The following SLAMF1 variants were observed in gnomAD, a reference collection of about 807,000 sequenced individuals.
SLAMF1 encodes signaling lymphocytic activation molecule.
Under a neutral mutation model 35.1 loss-of-function variants are expected in SLAMF1, and 18 were observed. The observed-to-expected ratio is 0.51, with a 90% CI of 0.35 to 0.76. The LOEUF is 0.76. SLAMF1 is among the 30% of genes least tolerant of loss of function. The pLI is 0.01. For missense variants in SLAMF1, 392 were observed against 413.0 expected (o/e 0.95, Z 0.44); for synonymous variants, 168 against 157.2 (o/e 1.07, Z -0.51).
chr1:160,612,410 TA>T (rs200238058), intron 6 of SLAMF1, 77 bp downstream of exon 6: 5,045 of 771,594 alleles, frequency 6.5e-3, no homozygotes, highest in Non-Finnish European at 7.1e-3. Flanking sequence ...CTTCCCACCT[TA>T]AAAAAAAAAA....
At position 160,624,148 on chromosome 1, in the gene SLAMF1, C is replaced by T; in HGVS notation, c.738G>A (p.Gly246=). Residue 246 remains glycine (G), a synonymous_variant, in exon 4 of 7, where the codon GGG becomes GGA. Coordinates refer to ENST00000302035, the MANE Select transcript of SLAMF1 (RefSeq NM_003037.5). ...KPWAVYAGLL[G]GVIMILIMVV... ...CCATGATGAGAATCATGATGACACC[C>T]CCTAACAGCCCAGCATACACTGCCC... 1 of 1,611,234 alleles carries T rather than the reference C, an allele frequency of 6.2e-7. No individual in the cohort carries two copies. Among genetic ancestry groups the T allele is most frequent in the Non-Finnish European group, 8.5e-7 (1 of 1,178,956 alleles).
rs1387333545 is a variant in SLAMF1, at chr1:160,646,936, T to C, written c.10A>G (p.Lys4Glu). 1 of 1,598,786 alleles carries C rather than the reference T, an allele frequency of 6.3e-7. No homozygotes were observed. Among genetic ancestry groups the C allele is most frequent in the Admixed American group, 1.7e-5 (1 of 59,658 alleles). The change falls in exon 1 of 7, where the codon AAG becomes GAG. Residue 4 changes from lysine to glutamate, a missense_variant. Lys to Glu is a moderately conservative substitution (Grantham distance 56). Coordinates refer to ENST00000302035, the MANE Select transcript of SLAMF1 (RefSeq NM_003037.5). Reference protein sequence around the residue: MDPKGLLSLTFVLF... With the variant: MDPEGLLSLTFVLF... ...ACGAAGGTCAAGGAGAGGAGCCCCT[T>C]GGGATCCATCAGCCAATGAGGAGAA...
Position 160,613,704 on chromosome 1 carries a change from A to C in SLAMF1, c.865-1124T>G, listed in dbSNP as rs144122943. 3.7e-3 allele frequency among the ~76,000 whole-genome samples: 571 copies of C among 152,366 alleles called. 2 individuals carry two copies. Among genetic ancestry groups the C allele is most frequent in the East Asian group, 0.019 (98 of 5,192 alleles). ...TTAAGGAATTAGGAAAGTTTATTGGAGGAAAAAGGGATGGGACATAATTTT... is the reference window on the plus strand; with the variant it reads ...TTAAGGAATTAGGAAAGTTTATTGGCGGAAAAAGGGATGGGACATAATTTT... On this transcript the variant is annotated intron_variant, in intron 5 of 6. Transcript: ENST00000302035.
chr1:160,637,759 G>A (rs577686930), intron 1 of SLAMF1, among the ~76,000 whole-genome samples: 1 of 152,276 alleles, frequency 6.6e-6, no homozygotes, highest in African/African-American at 2.4e-5. Context: ...GAGTTGTATA[G>A]ATTAACTAGA....
At chr1:160,646,745 G>A (rs775583619) in intron 1 of SLAMF1, 125 bp downstream of exon 1, 3 of 627,942 alleles carry the variant, frequency 4.8e-6, no homozygotes, top group Non-Finnish European at 9.1e-6. Context: ...GAAACTGACA[G>A]CCAGTCCCTA....
At chr1:160,630,765 ATGGTGTCAC>A (rs1223665056) in intron 3 of SLAMF1, among the ~76,000 whole-genome samples, 1 of 152,126 alleles carries the variant, frequency 6.6e-6, no homozygotes, top group Non-Finnish European at 1.5e-5. Context: ...AGCAAGACTG[ATGGTGTCAC>A]TCCTCTATCT....
At chr1:160,614,804 A>G (rs1276790303) in intron 5 of SLAMF1, among the ~76,000 whole-genome samples, 3 of 152,218 alleles carry the variant, frequency 2.0e-5, no homozygotes, top group Non-Finnish European at 4.4e-5. Flanking sequence ...CAGGATTTTT[A>G]TCCAGGCATA....
intron 5 of SLAMF1, among the ~76,000 whole-genome samples, chr1:160,619,570 C>T (rs1242620769): frequency 6.6e-6 from 1 of 152,158 alleles, no homozygotes; most frequent in Admixed American, 6.6e-5. Context: ...CCTGTGAAGA[C>T]TCATGACCAG....
intron 1 of SLAMF1, among the ~76,000 whole-genome samples, chr1:160,644,273 T>C (rs1272081884): frequency 1.3e-5 from 2 of 152,198 alleles, no homozygotes; most frequent in African/African-American, 4.8e-5. Context: ...TTCCCAAACA[T>C]AGGCTTGTCC....
At chr1:160,644,413 G>A (rs992267155) in intron 1 of SLAMF1, among the ~76,000 whole-genome samples, 1 of 152,172 alleles carries the variant, frequency 6.6e-6, no homozygotes, top group Non-Finnish European at 1.5e-5. Flanking sequence ...TTCTTATAGG[G>A]TTGGTGTGAA....
intron 5 of SLAMF1, among the ~76,000 whole-genome samples, chr1:160,614,931 G>A (rs1188040621): frequency 6.6e-6 from 1 of 151,996 alleles, no homozygotes; most frequent in Non-Finnish European, 1.5e-5. Context: ...CAACTCCAGA[G>A]GCATTATTTT....
intron 6 of SLAMF1, among the ~76,000 whole-genome samples, chr1:160,611,188 G>T (rs1204243438): frequency 6.6e-6 from 1 of 152,090 alleles, no homozygotes; most frequent in Non-Finnish European, 1.5e-5. Context: ...AGTCTAGTGG[G>T]ACTCAAAGGG....
At position 160,624,141 on chromosome 1, in the gene SLAMF1, T is replaced by G. The variant is rs751956499; in HGVS notation, c.745A>C (p.Ile249Leu). 1 of 1,611,578 alleles carries G rather than the reference T, an allele frequency of 6.2e-7. No individual in the cohort carries two copies. Among genetic ancestry groups the G allele is most frequent in the Non-Finnish European group, 8.5e-7 (1 of 1,179,126 alleles). Residue 249 changes from isoleucine (I) to leucine (L), a missense_variant, in exon 4 of 7, where the codon ATC (isoleucine) becomes CTC (leucine). Coordinates refer to ENST00000302035, the MANE Select transcript of SLAMF1 (RefSeq NM_003037.5). ...AVYAGLLGGV[I>L]MILIMVVILQ... ...ATTACCACCATGATGAGAATCATGATGACACCCCCTAACAGCCCAGCATAC... is the reference window on the plus strand; with the variant it reads ...ATTACCACCATGATGAGAATCATGAGGACACCCCCTAACAGCCCAGCATAC...
At chr1:160,619,713 A>C in intron 5 of SLAMF1, 63 bp downstream of exon 5, 29 of 1,005,188 alleles carry the variant, frequency 2.9e-5, no homozygotes, top group Non-Finnish European at 4.2e-5. Flanking sequence ...CAGGCAAGGT[A>C]GACTGGCCAG....
chr1:160,611,110 G>A (rs1658959216), intron 6 of SLAMF1, among the ~76,000 whole-genome samples: 1 of 152,184 alleles, frequency 6.6e-6, no homozygotes, highest in Non-Finnish European at 1.5e-5. Context: ...AAAACCATTT[G>A]TTTTGCTGTT....
At chr1:160,610,861 G>A in intron 6 of SLAMF1, 63 bp from the exon 7 acceptor site, 1 of 1,221,814 alleles carries the variant, frequency 8.2e-7, no homozygotes, top group Non-Finnish European at 1.2e-6. Context: ...GAATGCAAAT[G>A]AAAACAGCAC....
chr1:160,614,935 T>G (rs1318039062), intron 5 of SLAMF1, among the ~76,000 whole-genome samples: 10 of 152,222 alleles, frequency 6.6e-5, no homozygotes, highest in Non-Finnish European at 2.9e-5. Flanking sequence ...TCCAGAGGCA[T>G]TATTTTCACA....
intron 5 of SLAMF1, among the ~76,000 whole-genome samples, chr1:160,618,146 C>G (rs549542352): frequency 7.1e-4 from 108 of 152,122 alleles, no homozygotes; most frequent in African/African-American, 2.5e-3. Context: ...TCTGTAGACT[C>G]AATACAATTC....
rs756617471 is a variant in SLAMF1 at position 160,610,559 on chromosome 1, C to G, written c.*189G>C. The stretch of plus-strand genomic sequence containing the variant: ...CAGCCACTGCACAGCAAGCTAAATT[C>G]TTGGGAAGCCTCACTTCCTTGTTCA... On this transcript the variant is annotated 3_prime_UTR_variant, in exon 7 of 7. Coordinates refer to ENST00000302035, the MANE Select transcript of SLAMF1 (RefSeq NM_003037.5). 3.2e-4 allele frequency: 193 copies of G among 604,434 alleles called. No homozygotes were observed. Among genetic ancestry groups the G allele is most frequent in the Non-Finnish European group, 5.1e-4 (169 of 333,230 alleles). 37.4% of individuals were successfully genotyped at this position (604,434 alleles called of 1,614,324 possible). A position where few individuals can be genotyped will look rare whatever the true frequency, so the allele number is the denominator to read the frequency against.
Sources: gnomAD v4.1 joint callset for allele counts (sites outside exome capture counted in the v4.1 genomes callset) on GRCh38, gnomAD v4.1.1 for gene constraint, MANE v1.5 for transcripts, NCBI Gene and HGNC (gene_info 2026-07-23, HGNC 2026-07-21) for gene names.